Variants in EYS observed in about 807,000 individuals in gnomAD.
EYS encodes EGF-like photoreceptor maintenance factor, also known as protein eyes shut homolog.
In EYS, 250 loss-of-function variants were observed where a neutral mutation model predicts 282.1. The ratio of observed to expected loss-of-function variants is 0.89; its 90% CI spans 0.80 to 0.98. The LOEUF is 0.98. EYS is among the 50% of genes least tolerant of loss of function. The probability of loss-of-function intolerance (pLI) is 0.00; values close to 1 mark genes in which losing one functional copy is unlikely to be tolerated. For synonymous variants in EYS, 1,355 were observed against 1,282.9 expected (o/e 1.06, Z -1.20); for missense variants, 4,016 against 3,709.0 (o/e 1.08, Z -2.15).
intron 26 of EYS, among the ~76,000 whole-genome samples, chr6:64,466,057 C>T (rs1775906000): frequency 6.6e-6 from 1 of 152,112 alleles, no homozygotes; most frequent in Non-Finnish European, 1.5e-5. Flanking sequence ...GAAATACTAC[C>T]TCATGCCTGT....
At chr6:64,544,958 C>A (rs148026995) in intron 26 of EYS, among the ~76,000 whole-genome samples, 4 of 152,262 alleles carry the variant, frequency 2.6e-5, no homozygotes, top group African/African-American at 7.2e-5. Flanking sequence ...GGAGCTGGTA[C>A]GATTCCTTCT....
intron 26 of EYS, among the ~76,000 whole-genome samples, chr6:64,452,699 A>G (rs1034772386): frequency 6.6e-6 from 1 of 152,194 alleles, no homozygotes; most frequent in African/African-American, 2.4e-5. Context: ...CTCAGAAATA[A>G]TGCCGCATAT....
chr6:65,426,150 T>G (rs1163177391), intron 5 of EYS, among the ~76,000 whole-genome samples: 3 of 152,040 alleles, frequency 2.0e-5, no homozygotes, highest in South Asian at 4.1e-4. Flanking sequence ...GATTTTTATT[T>G]TTGTATTTTT....
intron 22 of EYS, among the ~76,000 whole-genome samples, chr6:64,646,697 C>T (rs545503601): frequency 6.6e-6 from 1 of 151,370 alleles, no homozygotes; most frequent in South Asian, 2.1e-4. Flanking sequence ...CCCAGCTACT[C>T]AGGAGGCTGA....
At chr6:64,170,203 A>G (rs1294194439) in intron 31 of EYS, among the ~76,000 whole-genome samples, 3 of 152,176 alleles carry the variant, frequency 2.0e-5, no homozygotes, top group East Asian at 1.9e-4. Flanking sequence ...GCCTTTTTAT[A>G]TAGTTACAAT....
chr6:64,704,518 A>ATTATAATACTTATAATAATATTATAG, intron 22 of EYS, among the ~76,000 whole-genome samples: 1 of 84,514 alleles, frequency 1.2e-5, no homozygotes, highest in East Asian at 3.5e-4. Flanking sequence ...TAATATTATA[A>ATTATAATACTTATAATAATATTATAG]TTATAATACT....
intron 31 of EYS, among the ~76,000 whole-genome samples, chr6:64,230,154 A>G (rs981317958): frequency 3.3e-5 from 5 of 152,206 alleles, no homozygotes; most frequent in Middle Eastern, 3.2e-3. Context: ...AAGCATCAAA[A>G]GTTAATGTAC....
chr6:65,513,233 A>C (rs1766969457), intron 2 of EYS, among the ~76,000 whole-genome samples: 1 of 152,196 alleles, frequency 6.6e-6, no homozygotes, highest in African/African-American at 2.4e-5. Flanking sequence ...TCCCAAGACT[A>C]AACCAGGAAG....
intron 1 of EYS, among the ~76,000 whole-genome samples, chr6:65,670,908 C>G (rs1768371232): frequency 6.6e-6 from 1 of 151,448 alleles, no homozygotes; most frequent in Non-Finnish European, 1.5e-5. Context: ...TGAATGGCAC[C>G]TATATTTCTT....
chr6:64,737,140 A>AT (rs1292064586), intron 22 of EYS, among the ~76,000 whole-genome samples: 1 of 152,186 alleles, frequency 6.6e-6, no homozygotes, highest in Admixed American at 6.5e-5. Context: ...GACCAATATC[A>AT]TTTTTTGTGA....
At chr6:65,414,568 G>A (rs892513443) in intron 5 of EYS, among the ~76,000 whole-genome samples, 1 of 151,848 alleles carries the variant, frequency 6.6e-6, no homozygotes, top group Non-Finnish European at 1.5e-5. Context: ...AAAAGGAAAA[G>A]GAAGATTTAA....
At chr6:65,203,240 G>T (rs956999015) in intron 12 of EYS, among the ~76,000 whole-genome samples, 2 of 152,136 alleles carry the variant, frequency 1.3e-5, no homozygotes, top group Non-Finnish European at 2.9e-5. Context: ...CATTTAACTG[G>T]CTTTTAGCCA....
At chr6:63,791,383 G>A (rs1333372835) in intron 37 of EYS, among the ~76,000 whole-genome samples, 1 of 152,054 alleles carries the variant, frequency 6.6e-6, no homozygotes, top group Non-Finnish European at 1.5e-5. Context: ...GGCCATCCTG[G>A]CTAACACGGT....
At chr6:64,417,335 T>A (rs1324192357) in intron 28 of EYS, among the ~76,000 whole-genome samples, 1 of 152,188 alleles carries the variant, frequency 6.6e-6, no homozygotes, top group Non-Finnish European at 1.5e-5. Context: ...AGTTCTTTGG[T>A]AACAGGTACA....
intron 28 of EYS, among the ~76,000 whole-genome samples, chr6:64,432,220 T>C (rs891615796): frequency 6.6e-6 from 1 of 152,062 alleles, no homozygotes; most frequent in South Asian, 2.1e-4. Flanking sequence ...ACTGACAGAG[T>C]GTTTGTGAAT....
intron 31 of EYS, among the ~76,000 whole-genome samples, chr6:64,130,762 G>C (rs1302517661): frequency 6.6e-6 from 1 of 152,172 alleles, no homozygotes; most frequent in African/African-American, 2.4e-5. Flanking sequence ...GCATATTAGA[G>C]AAACTGAAAG....
At chr6:64,045,388 T>G (rs991744943) in intron 33 of EYS, among the ~76,000 whole-genome samples, 11 of 92,840 alleles carry the variant, frequency 1.2e-4, no homozygotes, top group Admixed American at 5.4e-4. Flanking sequence ...AACAAGTTTA[T>G]TTTATTTTAT....
intron 12 of EYS, among the ~76,000 whole-genome samples, chr6:65,211,617 A>G (rs1766178253): frequency 6.6e-6 from 1 of 152,022 alleles, no homozygotes; most frequent in African/African-American, 2.4e-5. Flanking sequence ...GCATCTATCC[A>G]TACCCATTTA....
At chr6:64,096,473 C>G (rs1313553388) in intron 31 of EYS, among the ~76,000 whole-genome samples, 1 of 152,178 alleles carries the variant, frequency 6.6e-6, no homozygotes, top group Non-Finnish European at 1.5e-5. Flanking sequence ...TTGCTCTAAA[C>G]TTCTGTTCTC....
Sources: allele counts gnomAD v4.1 joint callset (sites outside exome capture counted in the v4.1 genomes callset), GRCh38; gene constraint gnomAD v4.1.1; transcripts MANE v1.5; gene names NCBI Gene and HGNC (gene_info 2026-07-23, HGNC 2026-07-21).